COL5A2: variants seen among roughly 807,000 people sequenced by gnomAD.
COL5A2 encodes the protein collagen alpha-2(V) chain.
Under a neutral mutation model 208.2 loss-of-function variants are expected in COL5A2, and 23 were observed. The ratio of observed to expected loss-of-function variants is 0.11; its 90% confidence interval spans 0.08 to 0.16. The LOEUF is 0.16. Ranked by LOEUF, COL5A2 falls within the 10% of genes least tolerant of loss-of-function variation. The pLI, the probability that COL5A2 is intolerant of heterozygous loss-of-function variation, is 1.00. For synonymous variants in COL5A2, 625 were observed against 628.5 expected (o/e 0.99, Z 0.08); for missense variants, 1,590 against 1,956.4 (o/e 0.81, Z 3.53).
chr2:189,360,512 T>C, the COL5A2 span, among the ~76,000 whole-genome samples: 12 of 152,300 alleles, frequency 7.9e-5, 1 homozygote, highest in Admixed American at 5.9e-4. Flanking sequence ...TAGAAGTATG[T>C]TATTTAATTT....
intron 51 of COL5A2, among the ~76,000 whole-genome samples, chr2:189,037,135 A>T (rs1022709595): frequency 6.6e-6 from 1 of 152,210 alleles, no homozygotes; most frequent in African/African-American, 2.4e-5. Flanking sequence ...ATGTGTTTCC[A>T]ATATTTTAAA....
intron 5 of COL5A2, 126 bp from the exon 6 acceptor site, chr2:189,097,456 C>T (rs1271951139): frequency 6.2e-6 from 6 of 969,750 alleles, no homozygotes; most frequent in Non-Finnish European, 8.0e-6. Context: ...CAGTTGAAGA[C>T]TATAGAGAAT....
intron 1 of COL5A2, among the ~76,000 whole-genome samples, chr2:189,176,719 GCACA>G (rs1244449813): frequency 6.8e-6 from 1 of 147,926 alleles, no homozygotes; most frequent in South Asian, 2.1e-4. Context: ...ACACACACAC[GCACA>G]CACACTCTTT....
intron 1 of COL5A2, among the ~76,000 whole-genome samples, chr2:189,175,889 C>A (rs2105825711): frequency 6.6e-6 from 1 of 152,228 alleles, no homozygotes; most frequent in East Asian, 1.9e-4. Flanking sequence ...CTACTGTGTT[C>A]TGCTACATGT....
chr2:189,349,542 T>A, the COL5A2 span, among the ~76,000 whole-genome samples: 1 of 152,178 alleles, frequency 6.6e-6, no homozygotes, highest in Admixed American at 6.5e-5. Flanking sequence ...TAAACACTAT[T>A]TGATGGTGAT....
At chr2:189,147,954 A>G (rs1688071799) in intron 1 of COL5A2, among the ~76,000 whole-genome samples, 1 of 152,182 alleles carries the variant, frequency 6.6e-6, no homozygotes, top group African/African-American at 2.4e-5. Flanking sequence ...ACAGATCCTT[A>G]GAACCATTTC....
At chr2:189,050,266 T>A (rs1036090730) in intron 43 of COL5A2, among the ~76,000 whole-genome samples, 1 of 86,018 alleles carries the variant, frequency 1.2e-5, no homozygotes, top group Non-Finnish European at 3.1e-5. Flanking sequence ...CAGAAGATTA[T>A]CCCCCTCCTC....
At chr2:189,116,909 G>A (rs1687403094) in intron 1 of COL5A2, among the ~76,000 whole-genome samples, 1 of 152,150 alleles carries the variant, frequency 6.6e-6, no homozygotes, top group Non-Finnish European at 1.5e-5. Flanking sequence ...ATGACTCATA[G>A]AAAGCTTCAT....
the COL5A2 span, among the ~76,000 whole-genome samples, chr2:189,382,774 TG>T: frequency 6.6e-6 from 1 of 152,164 alleles, no homozygotes; most frequent in Non-Finnish European, 1.5e-5. Context: ...TTCAATTTTT[TG>T]CAGGTAGGGG....
At chr2:189,289,359 A>AAAAAG in the COL5A2 span, among the ~76,000 whole-genome samples, 1 of 152,100 alleles carries the variant, frequency 6.6e-6, no homozygotes, top group Non-Finnish European at 1.5e-5. Flanking sequence ...GAAAAAAGAA[A>AAAAAG]AAAAGAAAAG....
At chr2:189,160,152 T>C (rs1688330803) in intron 1 of COL5A2, among the ~76,000 whole-genome samples, 1 of 152,190 alleles carries the variant, frequency 6.6e-6, no homozygotes, top group African/African-American at 2.4e-5. Flanking sequence ...TCTATACTTC[T>C]GTCCAACATC....
the COL5A2 span, among the ~76,000 whole-genome samples, chr2:189,333,580 C>T: frequency 6.6e-6 from 1 of 152,076 alleles, no homozygotes; most frequent in Non-Finnish European, 1.5e-5. Context: ...CCCCCAGTAC[C>T]TCAAAATGTA....
the COL5A2 span, among the ~76,000 whole-genome samples, chr2:189,314,265 T>C: frequency 2.0e-5 from 3 of 151,916 alleles, no homozygotes; most frequent in African/African-American, 7.3e-5. Flanking sequence ...CAGTACAAAT[T>C]TGAAATCAAG....
At chr2:189,326,096 C>CAAAAAA in the COL5A2 span, among the ~76,000 whole-genome samples, 17 of 96,800 alleles carry the variant, frequency 1.8e-4, no homozygotes, top group South Asian at 3.4e-4. Flanking sequence ...GACCCTGTCT[C>CAAAAAA]AAAAAAAAAA....
the COL5A2 span, among the ~76,000 whole-genome samples, chr2:189,358,040 C>G: frequency 6.6e-6 from 1 of 152,148 alleles, no homozygotes; most frequent in East Asian, 1.9e-4. Flanking sequence ...TCAGCTCACC[C>G]TCTGTGGGCT....
chr2:189,420,732 C>A, the COL5A2 span, among the ~76,000 whole-genome samples: 1 of 152,054 alleles, frequency 6.6e-6, no homozygotes, highest in Admixed American at 6.5e-5. Flanking sequence ...ACTCCAAAGG[C>A]AGAAAGACTA....
intron 52 of COL5A2, among the ~76,000 whole-genome samples, chr2:189,035,520 C>T (rs1685426964): frequency 6.6e-6 from 1 of 151,766 alleles, no homozygotes; most frequent in Non-Finnish European, 1.5e-5. Context: ...TCTTTTGACC[C>T]CAACTATTAC....
At chr2:189,381,560 A>C in the COL5A2 span, among the ~76,000 whole-genome samples, 4 of 151,992 alleles carry the variant, frequency 2.6e-5, no homozygotes, top group African/African-American at 9.7e-5. Context: ...AATGTTGATA[A>C]AGAGGGTTAT....
At chr2:189,392,811 C>G in the COL5A2 span, among the ~76,000 whole-genome samples, 3 of 152,094 alleles carry the variant, frequency 2.0e-5, no homozygotes, top group Non-Finnish European at 4.4e-5. Context: ...TGCCTAGAAG[C>G]CTTGTTAAGG....
Sources: allele counts gnomAD v4.1 joint callset (sites outside exome capture counted in the v4.1 genomes callset), GRCh38; gene constraint gnomAD v4.1.1; transcripts MANE v1.5; gene names NCBI Gene and HGNC (gene_info 2026-07-23, HGNC 2026-07-21).